Variants in SCN1A observed in about 807,000 individuals in gnomAD.
SCN1A encodes the protein sodium voltage-gated channel alpha subunit 1.
A neutral mutation model predicts 193.7 loss-of-function variants in SCN1A; 13 were observed. That is an observed-to-expected ratio of 0.07 (90% CI 0.04 to 0.11). SCN1A has a LOEUF of 0.11. Ranked by LOEUF, SCN1A falls within the 10% of genes least tolerant of loss-of-function variation. The probability of loss-of-function intolerance (pLI) is 1.00; values close to 1 mark genes in which losing one functional copy is unlikely to be tolerated. For synonymous variants in SCN1A, 781 were observed against 843.6 expected, an observed-to-expected ratio of 0.93 and a Z score of 1.29; for missense variants, 1,432 against 2,451.1, an observed-to-expected ratio of 0.58 and a Z score of 8.78.
intron 19 of SCN1A, among the ~76,000 whole-genome samples, chr2:166,017,136 G>T (rs1693415309): frequency 6.6e-6 from 1 of 151,332 alleles, no homozygotes; most frequent in African/African-American, 2.4e-5. Flanking sequence ...GGTTGAAGAT[G>T]ATCTTTGAAA....
intron 4 of SCN1A, among the ~76,000 whole-genome samples, chr2:166,068,525 A>G (rs773687536): frequency 1.3e-5 from 2 of 152,164 alleles, no homozygotes; most frequent in Non-Finnish European, 2.9e-5. Context: ...CCATATGACA[A>G]TTCGTGAAAT....
Position 166,039,538 on chromosome 2 carries a change from T to G in SCN1A, c.2474A>C (p.Tyr825Ser), listed in dbSNP as rs780963881. 6.2e-7 allele frequency: 1 copy of G among 1,613,802 alleles called. No homozygotes were observed. The highest frequency in any genetic ancestry group is 1.3e-5 in the African/African-American group (1 of 74,898). Residue 825 changes from tyrosine (Y) to serine (S), a missense_variant, in exon 17 of 29, where the codon TAC becomes TCC. Transcript: ENST00000674923. ...MFLKIIAMDPYYYFQEGWNIF... is the reference protein window; with the variant it reads ...MFLKIIAMDPSYYFQEGWNIF... ...ATTCCAGCCTTCTTGGAAATAATAG[T>G]AAGGATCCATGGCAATAATTTTCAG... is the stretch of plus-strand genomic sequence containing the variant.
intron 2 of SCN1A, among the ~76,000 whole-genome samples, chr2:166,089,983 C>G (rs190652957): frequency 6.7e-6 from 1 of 149,856 alleles, no homozygotes; most frequent in African/African-American, 2.5e-5. Flanking sequence ...TCCGTAGGTC[C>G]TATACAAACC....
At chr2:166,056,977 T>C (rs2105911798) in intron 5 of SCN1A, among the ~76,000 whole-genome samples, 1 of 152,152 alleles carries the variant, frequency 6.6e-6, no homozygotes, top group East Asian at 1.9e-4. Context: ...ATGAAAACAA[T>C]TTGTAGTCAA....
chr2:166,035,461 C>T (rs1696201853), intron 19 of SCN1A, among the ~76,000 whole-genome samples: 1 of 152,014 alleles, frequency 6.6e-6, no homozygotes. Flanking sequence ...TCAAAAAAAT[C>T]TATATGGAAA....
intron 25 of SCN1A, 136 bp downstream of exon 25, chr2:165,999,587 T>TAA: frequency 1.4e-6 from 1 of 710,362 alleles, no homozygotes; most frequent in South Asian, 1.6e-5. Flanking sequence ...TATGCTTGAA[T>TAA]ATTTACCTGT....
At chr2:166,005,107 A>G (rs915600113) in intron 23 of SCN1A, among the ~76,000 whole-genome samples, 1 of 151,434 alleles carries the variant, frequency 6.6e-6, no homozygotes, top group Non-Finnish European at 1.5e-5. Flanking sequence ...ACTCTGTACT[A>G]GAGTTCAGTG....
At chr2:166,027,289 C>CT (rs1694923368) in intron 19 of SCN1A, 1 of 152,164 alleles carries the variant, frequency 6.6e-6, no homozygotes, top group Non-Finnish European at 1.5e-5. Context: ...TAACAATGCT[C>CT]TTTACTATAG....
intron 23 of SCN1A, among the ~76,000 whole-genome samples, chr2:166,009,123 A>T (rs1310129230): frequency 6.6e-6 from 1 of 151,158 alleles, no homozygotes; most frequent in Non-Finnish European, 1.5e-5. Context: ...CTTTATTGTT[A>T]TAAAAATGAT....
chr2:166,026,613 T>C (rs1694794369), intron 19 of SCN1A, among the ~76,000 whole-genome samples: 2 of 152,038 alleles, frequency 1.3e-5, no homozygotes, highest in Non-Finnish European at 2.9e-5. Flanking sequence ...AAATTTGCTA[T>C]TCACTAATAA....
In SCN1A at chr2:166,007,607, A is replaced by G. The variant is rs528876785; in HGVS notation, c.4002+2112T>C. Among the ~76,000 whole-genome samples, 45 of 151,510 alleles carry G rather than the reference A, an allele frequency of 3.0e-4. 2 individuals are homozygous for G. Among genetic ancestry groups the G allele is most frequent in the African/African-American group, 1.0e-3 (43 of 41,474 alleles). On this transcript the variant is annotated intron_variant, in intron 23 of 28. Transcript: ENST00000674923. Reference sequence around the variant, plus strand: ...AGCTGTCAGCCAGAAATGTGCATAAAACATGCAAAACACAAAGTGCAACGT... The same window carrying G: ...AGCTGTCAGCCAGAAATGTGCATAAGACATGCAAAACACAAAGTGCAACGT...
chr2:166,093,542 A>T (rs1048233795), intron 2 of SCN1A, among the ~76,000 whole-genome samples: 17 of 152,018 alleles, frequency 1.1e-4, no homozygotes, highest in African/African-American at 3.4e-4. Flanking sequence ...ATGGGGTTTC[A>T]CCGTGTTAGC....
upstream of SCN1A, among the ~76,000 whole-genome samples, chr2:166,128,740 TATA>T (rs1216810325): frequency 2.0e-5 from 3 of 152,198 alleles, no homozygotes; most frequent in Non-Finnish European, 4.4e-5. Context: ...AAAGCTTAAT[TATA>T]ATAACACATT....
In SCN1A at chr2:166,063,810, A is replaced by T. The variant is rs547911016; in HGVS notation, c.265-5122T>A. ...TTTGGGAATGAAATTGATATAAAAA[A>T]TTTTTGAGATATGTATATTTTTATA... On this transcript the variant is annotated intron_variant, in intron 4 of 28. Transcript: ENST00000674923. Among the ~76,000 whole-genome samples, 51 of 152,186 alleles carry T rather than the reference A, an allele frequency of 3.4e-4. No homozygotes were observed. The South Asian group carries it at 6.6e-3, about 20-fold the overall frequency.
chr2:166,080,873 G>A (rs1336882665), intron 2 of SCN1A, among the ~76,000 whole-genome samples: 1 of 151,212 alleles, frequency 6.6e-6, no homozygotes, highest in African/African-American at 2.4e-5. Flanking sequence ...AAAGAGGGAG[G>A]TAAATCTGTA....
At chr2:166,141,650 A>G (rs1464124770) in intron 1 of SCN1A, among the ~76,000 whole-genome samples, 2 of 152,180 alleles carry the variant, frequency 1.3e-5, no homozygotes, top group African/African-American at 2.4e-5. Flanking sequence ...TTTGTTCTGT[A>G]TATAGATGGA....
chr2:166,053,031 C>T, intron 7 of SCN1A, 88 bp from the exon 8 acceptor site: 1 of 1,432,340 alleles, frequency 7.0e-7, no homozygotes, highest in Non-Finnish European at 9.8e-7. Context: ...ACTCTAATCA[C>T]TTCTTACCTG....
intron 1 of SCN1A, among the ~76,000 whole-genome samples, chr2:166,147,475 T>C (rs1692369928): frequency 2.0e-5 from 3 of 152,148 alleles, no homozygotes; most frequent in Non-Finnish European, 4.4e-5. Flanking sequence ...AGAAACAATA[T>C]TAAATGCAAA....
upstream of SCN1A, among the ~76,000 whole-genome samples, chr2:166,129,182 C>T (rs1214351042): frequency 6.6e-6 from 1 of 152,010 alleles, no homozygotes; most frequent in African/African-American, 2.4e-5. Flanking sequence ...AACACTGAAG[C>T]TTTCTGAGCC....
Sources: gnomAD v4.1 joint callset for allele counts (sites outside exome capture counted in the v4.1 genomes callset) on GRCh38, gnomAD v4.1.1 for gene constraint, MANE v1.5 for transcripts, NCBI Gene and HGNC (gene_info 2026-07-23, HGNC 2026-07-21) for gene names.